Variants in IL1RAPL1 observed in about 807,000 individuals in gnomAD.
The protein encoded by IL1RAPL1 is interleukin 1 receptor accessory protein like 1.
Under a neutral mutation model 48.4 loss-of-function variants are expected in IL1RAPL1, and 3 were observed. The ratio of observed to expected loss-of-function variants is 0.06; its 90% CI spans 0.03 to 0.16. IL1RAPL1 has a LOEUF of 0.16. Among genes scored for constraint, IL1RAPL1 ranks in the 10% least tolerant of loss-of-function variants. The pLI is 1.00. For synonymous variants in IL1RAPL1, 185 were observed against 187.7 expected (o/e 0.99, Z 0.12); for missense variants, 349 against 530.6 (o/e 0.66, Z 3.36).
intron 6 of IL1RAPL1, among the ~76,000 whole-genome samples, chrX:29,778,450 C>T (rs1420062291): frequency 1.8e-5 from 2 of 112,035 alleles, no homozygotes; most frequent in Non-Finnish European, 3.8e-5. Flanking sequence ...TCCACCTCTA[C>T]AATGTTAGCT....
At chrX:29,596,396 A>G (rs1923552372) in intron 5 of IL1RAPL1, among the ~76,000 whole-genome samples, 1 of 112,047 alleles carries the variant, frequency 8.9e-6, no homozygotes, top group African/African-American at 3.2e-5. Flanking sequence ...TGTATCATCT[A>G]TGATTTCTTT....
At chrX:29,226,183 A>C (rs1931074575) in intron 2 of IL1RAPL1, among the ~76,000 whole-genome samples, 1 of 112,000 alleles carries the variant, frequency 8.9e-6, no homozygotes, top group South Asian at 3.7e-4. Context: ...GTCTAGATGG[A>C]TAATAAAAGT....
intron 3 of IL1RAPL1, among the ~76,000 whole-genome samples, chrX:29,321,619 AAGG>A (rs968338620): frequency 5.4e-5 from 6 of 111,880 alleles, no homozygotes; most frequent in African/African-American, 1.9e-4. Flanking sequence ...GAATTATCAA[AAGG>A]AGGTTTGCTC....
chrX:29,756,604 G>A (rs1186490637), intron 6 of IL1RAPL1, among the ~76,000 whole-genome samples: 2 of 110,224 alleles, frequency 1.8e-5, no homozygotes, highest in Non-Finnish European at 3.8e-5. Context: ...ATAGAGACGG[G>A]GTTTCACCAT....
intron 2 of IL1RAPL1, among the ~76,000 whole-genome samples, chrX:28,856,064 A>G (rs1487207521): frequency 1.8e-5 from 2 of 111,980 alleles, no homozygotes; most frequent in Non-Finnish European, 3.8e-5. Context: ...GGTCTTCATA[A>G]TCATGGTGAG....
chrX:29,882,800 C>T lies in IL1RAPL1; in HGVS notation c.779-34664C>T, dbSNP rs774702586. Among the ~76,000 whole-genome samples, 16 of 111,717 alleles carry T rather than the reference C, an allele frequency of 1.4e-4. No individual in the cohort carries two copies. The East Asian group carries it at 2.5e-3, about 18-fold the overall frequency. ...ATTAGTTCTGTGGCATACATTTCAA[C>T]GTATGCCATTATTCAAGAATATGTC... On this transcript the variant is annotated intron_variant, in intron 6 of 10. Transcript: ENST00000378993.
intron 6 of IL1RAPL1, among the ~76,000 whole-genome samples, chrX:29,685,240 C>T (rs1420182103): frequency 2.7e-5 from 3 of 112,074 alleles, no homozygotes; most frequent in South Asian, 3.7e-4. Flanking sequence ...TGGTGGCTCA[C>T]GCCTGTAATG....
At chrX:29,241,784 G>A (rs1438022890) in intron 2 of IL1RAPL1, among the ~76,000 whole-genome samples, 1 of 112,131 alleles carries the variant, frequency 8.9e-6, no homozygotes. Flanking sequence ...TATTGTATAT[G>A]GAATAGACTT....
At chrX:29,207,644 G>A (rs1028963009) in intron 2 of IL1RAPL1, among the ~76,000 whole-genome samples, 2 of 111,489 alleles carry the variant, frequency 1.8e-5, no homozygotes, top group Non-Finnish European at 3.8e-5. Context: ...GGATATACTA[G>A]AGGAGTATGT....
chrX:28,871,561 A>G (rs902628555), intron 2 of IL1RAPL1, among the ~76,000 whole-genome samples: 2 of 111,630 alleles, frequency 1.8e-5, no homozygotes, highest in African/African-American at 6.5e-5. Flanking sequence ...GATTGCAAAA[A>G]TATCATTTTT....
chrX:29,501,248 G>T (rs995766968), intron 5 of IL1RAPL1, among the ~76,000 whole-genome samples: 14 of 111,273 alleles, frequency 1.3e-4, no homozygotes, highest in Non-Finnish European at 2.5e-4. Context: ...TCTATGTGTT[G>T]TCTCTTTACT....
intron 2 of IL1RAPL1, among the ~76,000 whole-genome samples, chrX:28,930,441 G>GT (rs1182080144): frequency 2.7e-5 from 3 of 111,236 alleles, no homozygotes; most frequent in Non-Finnish European, 5.7e-5. Flanking sequence ...TTTAGAATTA[G>GT]TTTTTTCACT....
intron 2 of IL1RAPL1, among the ~76,000 whole-genome samples, chrX:28,907,768 G>A (rs762413588): frequency 3.0e-4 from 34 of 112,018 alleles, no homozygotes; most frequent in Non-Finnish European, 5.6e-4. Flanking sequence ...GAAAAAGATA[G>A]GAACAATTTT....
rs552378213 is a variant in IL1RAPL1, at chrX:29,353,847, T to A, written c.363-42411T>A. ...TTTTCCAGTGTTTTTTTTTTTTTTTTAAATTTGCTTAGCCACGATTCATTA... is the reference window on the plus strand; with the variant it reads ...TTTTCCAGTGTTTTTTTTTTTTTTTAAAATTTGCTTAGCCACGATTCATTA... On this transcript the variant is annotated intron_variant, in intron 3 of 10. Transcript: ENST00000378993. Among the ~76,000 whole-genome samples the A allele has an allele frequency of 5.8e-3, 548 of 95,127 alleles. 2 individuals are homozygous for A. Among genetic ancestry groups the A allele is most frequent in the East Asian group, 0.041 (133 of 3,250 alleles). The allele number at this position is 95,127 out of a possible 115,157, so 82.6% of individuals were successfully genotyped here.
intron 2 of IL1RAPL1, among the ~76,000 whole-genome samples, chrX:28,985,929 G>A (rs1925464329): frequency 9.0e-6 from 1 of 111,233 alleles, no homozygotes; most frequent in Admixed American, 9.5e-5. Flanking sequence ...AGAGTGCTGG[G>A]ATTACAGGCG....
chrX:28,984,812 A>G (rs943007100), intron 2 of IL1RAPL1, among the ~76,000 whole-genome samples: 2 of 112,018 alleles, frequency 1.8e-5, no homozygotes, highest in African/African-American at 6.5e-5. Context: ...GGGGCTATAT[A>G]TTAGAATCAT....
intron 5 of IL1RAPL1, among the ~76,000 whole-genome samples, chrX:29,438,523 T>C (rs1044022250): frequency 9.0e-6 from 1 of 111,144 alleles, no homozygotes; most frequent in African/African-American, 3.3e-5. Context: ...TTTAGTACTG[T>C]AAAATTTTCT....
intron 2 of IL1RAPL1, among the ~76,000 whole-genome samples, chrX:28,942,795 CA>C (rs1161948340): frequency 9.1e-6 from 1 of 109,842 alleles, no homozygotes; most frequent in Non-Finnish European, 1.9e-5. Flanking sequence ...GAAAGAAGTA[CA>C]GGTTTCTGTT....
At chrX:29,848,496 T>C (rs1476756795) in intron 6 of IL1RAPL1, among the ~76,000 whole-genome samples, 1 of 111,344 alleles carries the variant, frequency 9.0e-6, no homozygotes, top group Non-Finnish European at 1.9e-5. Context: ...TTCAGACTTG[T>C]GCAGAGCAGC....
Sources: allele counts gnomAD v4.1 joint callset (sites outside exome capture counted in the v4.1 genomes callset), GRCh38; gene constraint gnomAD v4.1.1; transcripts MANE v1.5; gene names NCBI Gene and HGNC (gene_info 2026-07-23, HGNC 2026-07-21).